Variants in ZNF346 observed in about 807,000 individuals in gnomAD.
ZNF346 encodes the protein zinc finger protein 346.
ZNF346 carries 23 observed loss-of-function variants against 33.7 expected under a neutral mutation model. That is an observed-to-expected ratio of 0.68 (90% confidence interval 0.49 to 0.97). ZNF346 has a LOEUF of 0.97. ZNF346 is among the 50% of genes least tolerant of loss of function. The pLI is 0.00. For missense variants in ZNF346, 340 were observed against 371.1 expected (o/e 0.92, Z 0.69); for synonymous variants, 134 against 142.4 (o/e 0.94, Z 0.42).
intron 1 of ZNF346, among the ~76,000 whole-genome samples, chr5:177,035,721 C>T (rs946341558): frequency 3.0e-4 from 45 of 151,232 alleles, no homozygotes; most frequent in African/African-American, 1.0e-3. Flanking sequence ...CTGCAACCTC[C>T]GCCTCCTGGG....
intron 1 of ZNF346, among the ~76,000 whole-genome samples, chr5:177,033,119 CAGCTG>C (rs754328277): frequency 8.2e-4 from 125 of 152,256 alleles, no homozygotes; most frequent in Non-Finnish European, 1.5e-3. Flanking sequence ...CTCTGTCACC[CAGCTG>C]AAGTGCAGTG....
chr5:177,060,255 G>T (rs189422512), intron 5 of ZNF346, among the ~76,000 whole-genome samples: 78 of 152,356 alleles, frequency 5.1e-4, no homozygotes, highest in African/African-American at 1.8e-3. Context: ...AGGCACGGCG[G>T]CTCACGCCTA....
At chr5:177,047,751 C>A (rs1452497063) in intron 4 of ZNF346, among the ~76,000 whole-genome samples, 1 of 152,142 alleles carries the variant, frequency 6.6e-6, no homozygotes, top group Non-Finnish European at 1.5e-5. Flanking sequence ...GGTGATCCAC[C>A]CACCTCAGCC....
At chr5:177,055,034 G>GT (rs1213847902) in intron 5 of ZNF346, among the ~76,000 whole-genome samples, 2,047 of 137,258 alleles carry the variant, frequency 0.015, 48 homozygotes, top group African/African-American at 0.028. Context: ...AAATACGTAG[G>GT]TTTTTTTTTT....
intron 1 of ZNF346, among the ~76,000 whole-genome samples, chr5:177,040,709 G>A (rs1016455566): frequency 3.3e-5 from 5 of 151,964 alleles, no homozygotes; most frequent in Non-Finnish European, 7.4e-5. Flanking sequence ...TTCCTTTTTC[G>A]AGTCTTTCAG....
chr5:177,060,330 G>A (rs1213896766), intron 5 of ZNF346, among the ~76,000 whole-genome samples: 4 of 152,184 alleles, frequency 2.6e-5, no homozygotes, highest in Non-Finnish European at 2.9e-5. Context: ...AGACCAGCCT[G>A]GCCAACATGG....
intron 6 of ZNF346, 46 bp from the exon 7 acceptor site, chr5:177,064,465 CA>C (rs1291114920): frequency 6.8e-7 from 1 of 1,480,976 alleles, no homozygotes; most frequent in African/African-American, 1.4e-5. Context: ...TAGGCCAATA[CA>C]GCTGCCACAC....
At chr5:177,045,559 T>G (rs1404593564) in intron 4 of ZNF346, among the ~76,000 whole-genome samples, 1 of 152,162 alleles carries the variant, frequency 6.6e-6, no homozygotes, top group Non-Finnish European at 1.5e-5. Context: ...GGTTTCACTG[T>G]GTTAGCCAGG....
intron 5 of ZNF346, among the ~76,000 whole-genome samples, chr5:177,061,169 G>A (rs921018481): frequency 2.7e-5 from 4 of 150,784 alleles, no homozygotes; most frequent in African/African-American, 7.3e-5. Flanking sequence ...GGATCAGGCC[G>A]GGTGCGGTAG....
At chr5:177,079,599 G>C (rs1783902524) in exon 9 of ZNF346, 1 of 152,132 alleles carries the variant, frequency 6.6e-6, no homozygotes, top group South Asian at 2.1e-4. Flanking sequence ...CTGGACGTGG[G>C]GCTAAGTGAG....
chr5:177,075,530 T>C (rs1400366295), intron 8 of ZNF346, among the ~76,000 whole-genome samples: 1 of 152,214 alleles, frequency 6.6e-6, no homozygotes, highest in East Asian at 1.9e-4. Flanking sequence ...TACTGATTGA[T>C]TGATTGACTC....
intron 1 of ZNF346, among the ~76,000 whole-genome samples, chr5:177,037,435 T>C (rs1247298888): frequency 6.6e-6 from 1 of 152,186 alleles, no homozygotes; most frequent in Non-Finnish European, 1.5e-5. Flanking sequence ...ATATATCTGA[T>C]AGACTACTCA....
intron 5 of ZNF346, among the ~76,000 whole-genome samples, chr5:177,055,425 G>A (rs1377447722): frequency 6.6e-6 from 1 of 152,056 alleles, no homozygotes; most frequent in Non-Finnish European, 1.5e-5. Context: ...ATAAATGTGT[G>A]GAAACTGGAA....
At chr5:177,053,697 G>A (rs968347902) in intron 5 of ZNF346, among the ~76,000 whole-genome samples, 3 of 152,106 alleles carry the variant, frequency 2.0e-5, no homozygotes, top group African/African-American at 4.8e-5. Flanking sequence ...TTCATTGGGA[G>A]AAAATATTTG....
Position 177,041,806 on chromosome 5 carries a change from G to C in ZNF346, c.308G>C (p.Arg103Thr). 1 of 1,613,710 alleles carries C rather than the reference G, an allele frequency of 6.2e-7. No individual in the cohort carries two copies. The highest frequency in any genetic ancestry group is 8.5e-7 in the Non-Finnish European group (1 of 1,179,712). Residue 103 changes from arginine (R) to threonine (T), a missense_variant, in exon 3 of 7, where the codon AGA becomes ACA. By Grantham distance (71) the Arg-to-Thr change is moderately conservative. Transcript: ENST00000358149. ...AAAAAACATGCCAACAAAGTGAAGA[G>C]ATACCTAGCAATCCATGGAATGGAG... is the stretch of plus-strand genomic sequence containing the variant. ...QSKKHANKVK[R>T]YLAIHGMETL...
Position 177,064,735 on chromosome 5 carries a change from A to G in ZNF346, c.*136A>G. The G allele has an allele frequency of 1.4e-6, 1 of 703,424 alleles. No homozygotes were observed. Among genetic ancestry groups the G allele is most frequent in the Admixed American group, 2.2e-5 (1 of 45,496 alleles). 43.6% of individuals were successfully genotyped at this position (703,424 alleles called of 1,614,324 possible). On this transcript the variant is annotated 3_prime_UTR_variant, in exon 7 of 7. Coordinates refer to ENST00000358149, the MANE Select transcript of ZNF346 (RefSeq NM_012279.4). ...CCTGAGGCAGGATTGGGCCACAGAC[A>G]GCCTCTCATTGGTCCGGGCTAATTC...
intron 6 of ZNF346, among the ~76,000 whole-genome samples, chr5:177,062,970 G>A (rs577188664): frequency 1.3e-5 from 2 of 152,300 alleles, no homozygotes; most frequent in Non-Finnish European, 2.9e-5. Flanking sequence ...CCACTGATAT[G>A]AAGAGAATAG....
rs757286399 is a variant in ZNF346, at chr5:177,022,735, G to A, written c.-4G>A. 89 of 1,550,388 alleles carry A rather than the reference G, an allele frequency of 5.7e-5. No homozygotes were observed. The highest frequency in any genetic ancestry group is 1.7e-4 in the Middle Eastern group (1 of 5,840). On this transcript the variant is annotated 5_prime_UTR_variant, in exon 1 of 7. Coordinates refer to ENST00000358149, the MANE Select transcript of ZNF346 (RefSeq NM_012279.4). ...CTCTCTACCGGTGAGGGTTTGCGGG[G>A]AAGATGGAGTATCCCGCGCCGGCCA...
rs1454601882 is a variant in ZNF346, at chr5:177,022,882, G to A, written c.144G>A (p.Val48=). ...GGGCGCGCCGCCTGTGGGAAGCCGT[G>A]TCCGGTGCCCAGCCGGTGGGTAGAG... is the stretch of plus-strand genomic sequence containing the variant. ...RERARRLWEA[V]SGAQPVGREE... The change falls in exon 1 of 7, where the codon GTG becomes GTA. Residue 48 remains valine (V), a synonymous_variant. Transcript: ENST00000358149. 7.9e-6 allele frequency: 12 copies of A among 1,511,682 alleles called. No homozygotes were observed. Among genetic ancestry groups the A allele is most frequent in the Non-Finnish European group, 1.1e-5 (12 of 1,128,754 alleles). 93.6% of individuals were successfully genotyped at this position (1,511,682 alleles called of 1,614,324 possible).
Sources: allele counts gnomAD v4.1 joint callset (sites outside exome capture counted in the v4.1 genomes callset), GRCh38; gene constraint gnomAD v4.1.1; transcripts MANE v1.5; gene names NCBI Gene and HGNC (gene_info 2026-07-23, HGNC 2026-07-21).